The following ZNF721 variants were observed in gnomAD, a reference collection of about 807,000 sequenced individuals.
ZNF721 encodes zinc finger protein 721.
Under a neutral mutation model 2.4 loss-of-function variants are expected in ZNF721, and 2 were observed. That is an observed-to-expected ratio of 0.82 (90% CI 0.34 to 2.58). The LOEUF is 2.58. Ranked by LOEUF, ZNF721 falls within the 30% of genes most tolerant of loss-of-function variation. The pLI is 0.11. For synonymous variants in ZNF721, 398 were observed against 381.8 expected, an observed-to-expected ratio of 1.04 and a Z score of -0.50; for missense variants, 1,187 against 1,085.5, an observed-to-expected ratio of 1.09 and a Z score of -1.31.
intron 1 of ZNF721, among the ~76,000 whole-genome samples, chr4:490,545 T>C (rs1306896135): frequency 1.3e-5 from 2 of 152,226 alleles, no homozygotes; most frequent in Admixed American, 6.5e-5. Context: ...TTTATTAGTT[T>C]TGATGTGGCT....
At position 443,536 on chromosome 4, in the gene ZNF721, CA is replaced by C; in HGVS notation, c.930del (p.Cys310TrpfsTer67). ...TGEKPYTCEV[C>X]GKAFRQSANL... The stretch of plus-strand genomic sequence containing the variant: ...TTTGCGGACTGTCTAAAGGCTTTGC[CA>C]CATACTTCACATGTGTAGGGTTTCT... On this transcript the variant is annotated frameshift_variant, in exon 3 of 3. Transcript: ENST00000511833. LOFTEE classifies it low-confidence loss of function (END_TRUNC). 1 of 1,614,024 alleles carries C rather than the reference CA, an allele frequency of 6.2e-7. No individual in the cohort carries two copies. Among genetic ancestry groups the C allele is most frequent in the East Asian group, 2.2e-5 (1 of 44,874 alleles).
At chr4:479,005 G>A (rs1363088230) in intron 1 of ZNF721, among the ~76,000 whole-genome samples, 1 of 152,066 alleles carries the variant, frequency 6.6e-6, no homozygotes, top group Non-Finnish European at 1.5e-5. Context: ...CTCCTAAGGT[G>A]ATCTGCCCAC....
intron 1 of ZNF721, chr4:473,955 T>C: frequency 6.6e-7 from 1 of 1,504,606 alleles, no homozygotes; most frequent in Non-Finnish European, 9.0e-7. Flanking sequence ...TCCCCAGCCT[T>C]GGGACGCCCT....
At chr4:492,710 AAC>A (rs1576974832) in intron 1 of ZNF721, among the ~76,000 whole-genome samples, 3 of 150,646 alleles carry the variant, frequency 2.0e-5, no homozygotes, top group East Asian at 1.9e-4. Flanking sequence ...CTCTTTCTTA[AAC>A]AGTCATTTTA....
At chr4:451,109 G>C (rs1337844325) in intron 2 of ZNF721, among the ~76,000 whole-genome samples, 1 of 150,786 alleles carries the variant, frequency 6.6e-6, no homozygotes, top group Admixed American at 6.6e-5. Context: ...ATAAATATCA[G>C]ATTTTTAAAA....
At position 477,978 on chromosome 4, in the gene ZNF721, T is replaced by C. The variant is rs1715676907; in HGVS notation, c.-93-5277A>G. On this transcript the variant is annotated intron_variant, in intron 1 of 2. Coordinates refer to ENST00000511833, the MANE Select transcript of ZNF721 (RefSeq NM_133474.4). The stretch of plus-strand genomic sequence containing the variant: ...AACTAAGTGGGGACAAAGGCAAAGA[T>C]TTACCACAGAAGCAGGAACCTAGAC... Among the ~76,000 whole-genome samples the C allele has an allele frequency of 2.0e-5, 3 of 152,050 alleles. No homozygotes were observed. In the South Asian group the frequency reaches 6.2e-4, roughly 32 times the overall value.
chr4:491,238 CA>C lies in ZNF721; in HGVS notation c.-94+7817del. 1.3e-5 allele frequency among the ~76,000 whole-genome samples: 2 copies of C among 151,964 alleles called. 1 individual carries two copies. Among genetic ancestry groups the C allele is most frequent in the South Asian group, 4.2e-4 (2 of 4,800 alleles). Reference sequence around the variant, plus strand: ...GTCAGAAGTTCGAGACCAGCCTGGCCAACATAGTTAAAGCCCGTGTCTACAA... The same window carrying C: ...GTCAGAAGTTCGAGACCAGCCTGGCCACATAGTTAAAGCCCGTGTCTACAA... On this transcript the variant is annotated intron_variant, in intron 1 of 2. Transcript: ENST00000511833.
intron 1 of ZNF721, among the ~76,000 whole-genome samples, chr4:484,070 T>A (rs532649459): frequency 6.6e-6 from 1 of 152,220 alleles, no homozygotes; most frequent in Non-Finnish European, 1.5e-5. Flanking sequence ...GCTGAAGCCA[T>A]GGCAGAAGAA....
chr4:454,025 G>C (rs1327233731), intron 2 of ZNF721: 1 of 152,090 alleles, frequency 6.6e-6, no homozygotes, highest in Non-Finnish European at 1.5e-5. Flanking sequence ...GTTCCTCTGG[G>C]TTTCTCCCAC....
At chr4:484,341 T>C (rs1715840288) in intron 1 of ZNF721, among the ~76,000 whole-genome samples, 1 of 152,146 alleles carries the variant, frequency 6.6e-6, no homozygotes, top group Non-Finnish European at 1.5e-5. Context: ...ACAGCATGTG[T>C]GTTTGAGCAA....
chr4:495,679 T>C (rs1370588854), intron 1 of ZNF721, among the ~76,000 whole-genome samples: 5 of 151,492 alleles, frequency 3.3e-5, no homozygotes, highest in African/African-American at 9.7e-5. Flanking sequence ...CTCGGCTCAC[T>C]GCAACCTCCA....
chr4:454,400 T>C (rs1714777730), intron 2 of ZNF721, among the ~76,000 whole-genome samples: 1 of 152,240 alleles, frequency 6.6e-6, no homozygotes, highest in Non-Finnish European at 1.5e-5. Flanking sequence ...GGACTTATGT[T>C]GTTGTCAGAG....
intron 2 of ZNF721, among the ~76,000 whole-genome samples, chr4:446,230 G>A (rs1009687038): frequency 2.6e-5 from 4 of 152,014 alleles, no homozygotes; most frequent in Admixed American, 6.5e-5. Flanking sequence ...CTAATAGTGC[G>A]GAAAACATTT....
At chr4:448,946 A>T (rs574085074) in intron 2 of ZNF721, among the ~76,000 whole-genome samples, 1 of 152,332 alleles carries the variant, frequency 6.6e-6, no homozygotes, top group Admixed American at 6.5e-5. Flanking sequence ...AGTAAAGATA[A>T]ACCTTGATGA....
Position 499,130 on chromosome 4 carries a change from C to A in ZNF721, c.-168G>T. The A allele has an allele frequency of 1.7e-6, 1 of 587,154 alleles. No individual in the cohort carries two copies. The highest frequency in any genetic ancestry group is 2.9e-6 in the Non-Finnish European group (1 of 343,430). 36.4% of individuals were successfully genotyped at this position (587,154 alleles called of 1,614,324 possible). A position where few individuals can be genotyped will look rare whatever the true frequency, so the allele number is the denominator to read the frequency against. On this transcript the variant is annotated 5_prime_UTR_variant, in exon 1 of 3. Transcript: ENST00000511833. Reference sequence around the variant, plus strand: ...GGAGCCGGGAACACCGCCCGCTGTTCGTATGTCCGAGGTGACGCCCCGCTG... The same window carrying A: ...GGAGCCGGGAACACCGCCCGCTGTTAGTATGTCCGAGGTGACGCCCCGCTG...
In ZNF721 at chr4:497,621, T is replaced by A. The variant is rs1042781862; in HGVS notation, c.-94+1435A>T. ...ATAACAGGCCGGACAGGGCGCGGTG[T>A]CTCACGCCTGTAATCCCAGCTCTTT... On this transcript the variant is annotated intron_variant, in intron 1 of 2. Transcript: ENST00000511833. 2.7e-5 allele frequency among the ~76,000 whole-genome samples: 4 copies of A among 150,780 alleles called. No homozygotes were observed. In the East Asian group the frequency reaches 7.8e-4, roughly 29 times the overall value.
chr4:479,964 G>T (rs1366439387), intron 1 of ZNF721, among the ~76,000 whole-genome samples: 1 of 152,048 alleles, frequency 6.6e-6, no homozygotes, highest in African/African-American at 2.4e-5. Context: ...TTCTTGTTTG[G>T]TAATTTCGTA....
chr4:441,786 G>A lies in ZNF721; in HGVS notation c.2681C>T (p.Thr894Met), dbSNP rs189742026. The change falls in exon 3 of 3, where the codon ACG becomes ATG. Residue 894 changes from threonine (T) to methionine (M), a missense_variant. Coordinates refer to ENST00000511833, the MANE Select transcript of ZNF721 (RefSeq NM_133474.4). ...AAAGGTTTTGCCACAGTCTCCACAC[G>A]TGTAGGGTTTCTCTCCAGTATGAAT... is the stretch of plus-strand genomic sequence containing the variant. ...KKIHTGEKPY[T>M]CGDCGKTFRQ... The A allele has an allele frequency of 4.0e-5, 64 of 1,613,462 alleles. No individual in the cohort carries two copies. The highest frequency in any genetic ancestry group is 2.8e-4 in the Admixed American group (17 of 59,958).
chr4:476,152 T>C (rs1715618678), intron 1 of ZNF721, among the ~76,000 whole-genome samples: 2 of 152,216 alleles, frequency 1.3e-5, no homozygotes, highest in African/African-American at 4.8e-5. Context: ...CTCATGGTAT[T>C]GACCAAGCCA....
Sources: gnomAD v4.1 joint callset for allele counts (sites outside exome capture counted in the v4.1 genomes callset) on GRCh38, gnomAD v4.1.1 for gene constraint, MANE v1.5 for transcripts, NCBI Gene and HGNC (gene_info 2026-07-23, HGNC 2026-07-21) for gene names.